The following DLG2 variants were observed in gnomAD, a reference collection of about 807,000 sequenced individuals.
The protein encoded by DLG2 is discs large MAGUK scaffold protein 2, also known as disks large homolog 2.
DLG2 carries 45 observed loss-of-function variants against 132.5 expected under a neutral mutation model. The observed-to-expected ratio is 0.34, with a 90% CI of 0.27 to 0.44. DLG2 has a LOEUF of 0.44. Among genes scored for constraint, DLG2 ranks in the 20% least tolerant of loss-of-function variants. The pLI is 1.00. For missense variants in DLG2, 1,045 were observed against 1,196.9 expected (o/e 0.87, Z 1.87); for synonymous variants, 424 against 419.6 (o/e 1.01, Z -0.13).
intron 8 of DLG2, among the ~76,000 whole-genome samples, chr11:84,217,209 G>T (rs1159337943): frequency 2.0e-5 from 3 of 152,134 alleles, no homozygotes; most frequent in Non-Finnish European, 4.4e-5. Context: ...GAAATATCAT[G>T]ACCATTTATA....
chr11:84,705,895 A>T (rs1565717411), intron 6 of DLG2, among the ~76,000 whole-genome samples: 1 of 151,834 alleles, frequency 6.6e-6, no homozygotes, highest in Non-Finnish European at 1.5e-5. Context: ...TCATTCAACA[A>T]ACATAATAAA....
At position 85,498,425 on chromosome 11, in the gene DLG2, T is replaced by C. The variant is rs2093719016; in HGVS notation, c.40+100232A>G. Among the ~76,000 whole-genome samples the C allele has an allele frequency of 1.3e-5, 2 of 152,148 alleles. 1 individual carries two copies. The highest frequency in any genetic ancestry group is 4.1e-4 in the South Asian group (2 of 4,832). On this transcript the variant is annotated intron_variant, in intron 3 of 27. Transcript: ENST00000376104. ...CCCAATACAGGAGCACCCAGATTCA[T>C]AAAGCAAGTCCTGAGAGACCTAAAA...
At chr11:84,435,884 A>C (rs536482120) in intron 7 of DLG2, among the ~76,000 whole-genome samples, 30 of 152,238 alleles carry the variant, frequency 2.0e-4, no homozygotes, top group Admixed American at 1.0e-3. Flanking sequence ...CTAATTTGGC[A>C]TAAGACATTA....
intron 6 of DLG2, among the ~76,000 whole-genome samples, chr11:84,938,108 T>C (rs1566452167): frequency 6.6e-6 from 1 of 152,340 alleles, no homozygotes; most frequent in African/African-American, 2.4e-5. Context: ...AACTATTTCA[T>C]ACCAGCAGTC....
At chr11:85,596,751 T>C (rs960666584) in intron 3 of DLG2, among the ~76,000 whole-genome samples, 2 of 152,186 alleles carry the variant, frequency 1.3e-5, no homozygotes, top group Admixed American at 1.3e-4. Context: ...TTTACAAAGA[T>C]ATAAATCTTC....
At chr11:85,062,175 T>C (rs773851062) in intron 6 of DLG2, among the ~76,000 whole-genome samples, 63 of 151,852 alleles carry the variant, frequency 4.1e-4, no homozygotes, top group Non-Finnish European at 6.9e-4. Flanking sequence ...ATACTTATAA[T>C]GCTCTCTGAG....
chr11:84,632,150 T>C (rs2099633224), intron 6 of DLG2, among the ~76,000 whole-genome samples: 2 of 152,200 alleles, frequency 1.3e-5, no homozygotes, highest in Non-Finnish European at 2.9e-5. Flanking sequence ...GTTTGCTGTG[T>C]TGAAATACTT....
chr11:85,130,256 T>G (rs541592743), intron 5 of DLG2, among the ~76,000 whole-genome samples: 96 of 152,296 alleles, frequency 6.3e-4, no homozygotes, highest in African/African-American at 2.2e-3. Flanking sequence ...ATATTACCAT[T>G]ATACAATTAT....
At chr11:85,581,570 A>G (rs985038845) in intron 3 of DLG2, among the ~76,000 whole-genome samples, 1 of 152,136 alleles carries the variant, frequency 6.6e-6, no homozygotes, top group Non-Finnish European at 1.5e-5. Flanking sequence ...GTGAGCTGAC[A>G]TGGTGCCACT....
intron 25 of DLG2, among the ~76,000 whole-genome samples, chr11:83,468,788 G>A (rs1249154947): frequency 2.0e-5 from 3 of 152,060 alleles, no homozygotes; most frequent in Non-Finnish European, 4.4e-5. Context: ...AAAAGGCTGG[G>A]CAGCCCTTCT....
At chr11:83,763,646 C>T (rs1331722326) in intron 18 of DLG2, among the ~76,000 whole-genome samples, 1 of 152,140 alleles carries the variant, frequency 6.6e-6, no homozygotes, top group Non-Finnish European at 1.5e-5. Flanking sequence ...TTTTTATATA[C>T]CTGAAATAAG....
At chr11:84,289,498 G>A (rs536769219) in intron 7 of DLG2, among the ~76,000 whole-genome samples, 1 of 152,022 alleles carries the variant, frequency 6.6e-6, no homozygotes, top group East Asian at 1.9e-4. Context: ...GCTCATGGGG[G>A]AAATGAGACA....
intron 18 of DLG2, among the ~76,000 whole-genome samples, chr11:83,771,506 A>T (rs2094390582): frequency 6.6e-6 from 1 of 152,226 alleles, no homozygotes; most frequent in African/African-American, 2.4e-5. Flanking sequence ...AGCCTAATAG[A>T]CAACTAGGCT....
intron 7 of DLG2, among the ~76,000 whole-genome samples, chr11:84,426,108 G>A (rs992352302): frequency 2.6e-5 from 4 of 152,068 alleles, no homozygotes; most frequent in African/African-American, 9.7e-5. Flanking sequence ...AAATGAAAGA[G>A]GAACTTAGCA....
chr11:84,081,831 C>A (rs948824473), intron 10 of DLG2, among the ~76,000 whole-genome samples: 1 of 152,150 alleles, frequency 6.6e-6, no homozygotes, highest in Non-Finnish European at 1.5e-5. Flanking sequence ...TGGGTATATA[C>A]CCAGTAATGG....
Position 85,311,857 on chromosome 11 carries a change from G to A in DLG2, c.41-26492C>T, listed in dbSNP as rs907215134. Among the ~76,000 whole-genome samples the A allele has an allele frequency of 2.6e-5, 4 of 151,800 alleles. No individual in the cohort carries two copies. In the East Asian group the frequency reaches 5.8e-4, roughly 22 times the overall value. ...TTCAATAGAATTTCAAAGCCTTCTC[G>A]CCACCCTAGTCACACTCCTTGGTTG... On this transcript the variant is annotated intron_variant, in intron 3 of 27. Transcript: ENST00000376104.
chr11:85,176,477 G>T (rs115990599), intron 4 of DLG2, among the ~76,000 whole-genome samples: 3 of 152,218 alleles, frequency 2.0e-5, no homozygotes, highest in African/African-American at 7.2e-5. Flanking sequence ...ATGGATTAAT[G>T]ATCTAAATAT....
At chr11:84,679,970 G>A (rs903526778) in intron 6 of DLG2, among the ~76,000 whole-genome samples, 6 of 152,064 alleles carry the variant, frequency 3.9e-5, no homozygotes, top group Admixed American at 6.6e-5. Context: ...TTTAGCTCTC[G>A]TACTGAGCCA....
At chr11:84,365,958 G>C (rs1024328819) in intron 7 of DLG2, among the ~76,000 whole-genome samples, 1 of 152,022 alleles carries the variant, frequency 6.6e-6, no homozygotes, top group Non-Finnish European at 1.5e-5. Flanking sequence ...AGGAAATACA[G>C]AGAATGCCAC....
Sources: gnomAD v4.1 joint callset for allele counts (sites outside exome capture counted in the v4.1 genomes callset) on GRCh38, gnomAD v4.1.1 for gene constraint, MANE v1.5 for transcripts, NCBI Gene and HGNC (gene_info 2026-07-23, HGNC 2026-07-21) for gene names.